CREB5: variants seen among roughly 807,000 people sequenced by gnomAD.
CREB5 encodes the protein cyclic AMP-responsive element-binding protein 5.
A neutral mutation model predicts 57.1 loss-of-function variants in CREB5; 19 were observed. The observed-to-expected ratio is 0.33, with a 90% CI of 0.23 to 0.49. CREB5 has a LOEUF of 0.49. Ranked by LOEUF, CREB5 falls within the 20% of genes least tolerant of loss-of-function variation. The probability of loss-of-function intolerance (pLI) is 0.99; values close to 1 mark genes in which losing one functional copy is unlikely to be tolerated. For synonymous variants in CREB5, 238 were observed against 238.3 expected (o/e 1.00, Z 0.01); for missense variants, 579 against 671.6 (o/e 0.86, Z 1.52).
intron 5 of CREB5, among the ~76,000 whole-genome samples, chr7:28,585,514 G>A (rs562965042): frequency 6.6e-6 from 1 of 152,338 alleles, no homozygotes; most frequent in East Asian, 1.9e-4. Context: ...AGTTTTAACT[G>A]CTGTGCTCCT....
intron 3 of CREB5, among the ~76,000 whole-genome samples, chr7:28,505,186 A>G (rs1792429231): frequency 6.9e-6 from 1 of 144,834 alleles, no homozygotes; most frequent in African/African-American, 2.5e-5. Flanking sequence ...ATATGTGCTC[A>G]TGCACGTGCA....
At chr7:28,773,170 CAA>C (rs200564326) in intron 7 of CREB5, among the ~76,000 whole-genome samples, 1 of 147,796 alleles carries the variant, frequency 6.8e-6, no homozygotes, top group East Asian at 2.0e-4. Context: ...CAAAAACAAA[CAA>C]AAAAAAAATC....
At chr7:28,811,408 A>AGACTT (rs1278983569) in intron 9 of CREB5, among the ~76,000 whole-genome samples, 2 of 152,002 alleles carry the variant, frequency 1.3e-5, no homozygotes, top group African/African-American at 4.8e-5. Context: ...TTCTTTTTTG[A>AGACTT]GACTTGTCTC....
intron 1 of CREB5, among the ~76,000 whole-genome samples, chr7:28,475,460 G>A (rs1323636166): frequency 7.5e-6 from 1 of 134,144 alleles, no homozygotes; most frequent in African/African-American, 3.2e-5. Context: ...GCTATTTGGG[G>A]AATAAAGGGA....
intron 4 of CREB5, among the ~76,000 whole-genome samples, chr7:28,517,737 C>G (rs1393608484): frequency 1.3e-5 from 2 of 152,098 alleles, no homozygotes; most frequent in Admixed American, 6.5e-5. Flanking sequence ...CTCTGCTTGA[C>G]TGTTGTTAGG....
chr7:28,366,951 C>T (rs575077645), intron 1 of CREB5, among the ~76,000 whole-genome samples: 4 of 152,128 alleles, frequency 2.6e-5, no homozygotes, highest in Non-Finnish European at 5.9e-5. Context: ...TTATTAGGTA[C>T]ATTCTGAGGC....
At chr7:28,365,303 G>A (rs780107441) in intron 1 of CREB5, among the ~76,000 whole-genome samples, 11 of 152,002 alleles carry the variant, frequency 7.2e-5, no homozygotes, top group East Asian at 3.9e-4. Context: ...TGGTACTGGC[G>A]TCTATACCCA....
intron 1 of CREB5, among the ~76,000 whole-genome samples, chr7:28,364,229 T>A (rs922394427): frequency 1.3e-5 from 2 of 152,186 alleles, no homozygotes; most frequent in Non-Finnish European, 2.9e-5. Flanking sequence ...ATCCCTGGAA[T>A]AAACGAGAAA....
chr7:28,591,210 C>A (rs1370758520), intron 5 of CREB5, among the ~76,000 whole-genome samples: 1 of 152,162 alleles, frequency 6.6e-6, no homozygotes, highest in East Asian at 1.9e-4. Flanking sequence ...ATCATGTTTC[C>A]TCTACACAGC....
At chr7:28,569,888 G>C (rs1003142205) in intron 4 of CREB5, among the ~76,000 whole-genome samples, 5 of 150,954 alleles carry the variant, frequency 3.3e-5, no homozygotes, top group African/African-American at 7.3e-5. Context: ...GATTTGGAAA[G>C]GTAGTCGTTT....
chr7:28,347,508 C>A (rs1786084883), intron 1 of CREB5, among the ~76,000 whole-genome samples: 1 of 152,150 alleles, frequency 6.6e-6, no homozygotes, highest in African/African-American at 2.4e-5. Flanking sequence ...AAGCATATTT[C>A]GATGCCAGCA....
intron 1 of CREB5, among the ~76,000 whole-genome samples, chr7:28,445,228 A>G (rs902498275): frequency 3.9e-5 from 6 of 152,130 alleles, no homozygotes; most frequent in Non-Finnish European, 5.9e-5. Context: ...TTCTTTATAA[A>G]TTACTCAGTC....
At chr7:28,331,569 T>C (rs1422453408) in intron 1 of CREB5, among the ~76,000 whole-genome samples, 1 of 152,126 alleles carries the variant, frequency 6.6e-6, no homozygotes, top group African/African-American at 2.4e-5. Context: ...CCTTGTTCTT[T>C]TACTCCTACA....
At chr7:28,312,875 A>G (rs74680358) in intron 1 of CREB5, among the ~76,000 whole-genome samples, 1,982 of 152,286 alleles carry the variant, frequency 0.013, 12 homozygotes, top group African/African-American at 0.02. Context: ...GTGTTGGTAG[A>G]GCATCAGTTT....
intron 5 of CREB5, among the ~76,000 whole-genome samples, chr7:28,627,632 A>G (rs563000315): frequency 6.6e-6 from 1 of 152,256 alleles, no homozygotes; most frequent in East Asian, 1.9e-4. Flanking sequence ...GAAATGCAAA[A>G]AAGGGTTTTC....
chr7:28,472,755 C>T (rs1475870575), intron 1 of CREB5, among the ~76,000 whole-genome samples: 1 of 152,148 alleles, frequency 6.6e-6, no homozygotes, highest in African/African-American at 2.4e-5. Flanking sequence ...ACAGGTACTT[C>T]GACGATCCAA....
intron 7 of CREB5, among the ~76,000 whole-genome samples, chr7:28,800,040 C>T (rs1808273301): frequency 6.6e-6 from 1 of 152,176 alleles, no homozygotes; most frequent in African/African-American, 2.4e-5. Context: ...GTGTATTTAA[C>T]ACTGAGCAAA....
At chr7:28,771,570 T>A (rs1309722887) in intron 7 of CREB5, among the ~76,000 whole-genome samples, 1 of 152,084 alleles carries the variant, frequency 6.6e-6, no homozygotes, top group Non-Finnish European at 1.5e-5. Context: ...TCCCGGTACG[T>A]GTGAGGAGCA....
chr7:28,681,896 A>G (rs1198136235), intron 5 of CREB5, among the ~76,000 whole-genome samples: 2 of 152,240 alleles, frequency 1.3e-5, no homozygotes, highest in East Asian at 3.8e-4. Flanking sequence ...TGACTTGCAC[A>G]TTTTAAGAAG....
Sources: gnomAD v4.1 joint callset for allele counts (sites outside exome capture counted in the v4.1 genomes callset) on GRCh38, gnomAD v4.1.1 for gene constraint, MANE v1.5 for transcripts, NCBI Gene and HGNC (gene_info 2026-07-23, HGNC 2026-07-21) for gene names.